CAMK4: variants seen among roughly 807,000 people sequenced by gnomAD.
The protein encoded by CAMK4 is calcium/calmodulin dependent protein kinase IV.
A neutral mutation model predicts 44.9 loss-of-function variants in CAMK4; 22 were observed. That is an observed-to-expected ratio of 0.49 (90% CI 0.35 to 0.70). The LOEUF is 0.70. Ranked by LOEUF, CAMK4 falls within the 30% of genes least tolerant of loss-of-function variation. The probability of loss-of-function intolerance (pLI) is 0.01; values close to 1 mark genes in which losing one functional copy is unlikely to be tolerated. For missense variants in CAMK4, 498 were observed against 586.8 expected (o/e 0.85, Z 1.56); for synonymous variants, 218 against 215.4 (o/e 1.01, Z -0.11).
At chr5:111,339,175 G>A (rs563874778) in intron 1 of CAMK4, among the ~76,000 whole-genome samples, 1 of 151,404 alleles carries the variant, frequency 6.6e-6, no homozygotes, top group African/African-American at 2.4e-5. Context: ...CATTCTGTAG[G>A]TTGTCTGTTT....
At chr5:111,270,138 T>C (rs114618819) in intron 1 of CAMK4, 64 of 152,380 alleles carry the variant, frequency 4.2e-4, no homozygotes, top group African/African-American at 1.4e-3. Context: ...ACTGTCAGAA[T>C]ATCTGCTGGA....
At chr5:111,289,218 C>T (rs1458443471) in intron 1 of CAMK4, among the ~76,000 whole-genome samples, 6 of 151,992 alleles carry the variant, frequency 3.9e-5, no homozygotes, top group African/African-American at 9.7e-5. Flanking sequence ...TGGTGGCGCT[C>T]GCCTGTAATC....
chr5:111,450,017 G>C (rs899265000), intron 7 of CAMK4: 16 of 152,116 alleles, frequency 1.1e-4, no homozygotes, highest in African/African-American at 3.9e-4. Context: ...TTTTCTCTTA[G>C]ATCAGAATAT....
intron 8 of CAMK4, among the ~76,000 whole-genome samples, chr5:111,474,977 C>T (rs542475980): frequency 2.0e-5 from 3 of 152,272 alleles, no homozygotes; most frequent in East Asian, 1.9e-4. Flanking sequence ...TCCTGGCTAA[C>T]GTGGTGAAAC....
intron 2 of CAMK4, among the ~76,000 whole-genome samples, chr5:111,373,410 G>C (rs183370333): frequency 7.7e-4 from 60 of 78,176 alleles, no homozygotes; most frequent in African/African-American, 2.5e-3. Context: ...ATATTTTCCA[G>C]ATAAAATAAA....
At chr5:111,253,952 T>C (rs567935629) in intron 1 of CAMK4, among the ~76,000 whole-genome samples, 1 of 152,330 alleles carries the variant, frequency 6.6e-6, no homozygotes, top group South Asian at 2.1e-4. Flanking sequence ...TGTAATGTTA[T>C]ATATAAGCAT....
chr5:111,427,189 T>C (rs1437326740), intron 5 of CAMK4, among the ~76,000 whole-genome samples: 1 of 151,898 alleles, frequency 6.6e-6, no homozygotes, highest in Non-Finnish European at 1.5e-5. Context: ...ACAGTCAGAG[T>C]TGTGAGGTCC....
chr5:111,367,949 T>C (rs1460625404), intron 2 of CAMK4, among the ~76,000 whole-genome samples: 1 of 152,104 alleles, frequency 6.6e-6, no homozygotes, highest in Non-Finnish European at 1.5e-5. Flanking sequence ...GCTGAATGCA[T>C]TGTGTCTCCG....
intron 7 of CAMK4, among the ~76,000 whole-genome samples, chr5:111,469,496 C>T (rs1754985992): frequency 6.6e-6 from 1 of 152,034 alleles, no homozygotes; most frequent in Non-Finnish European, 1.5e-5. Context: ...TCAGAACTTG[C>T]CATGTCAGGT....
chr5:111,233,904 G>A (rs963361621), intron 1 of CAMK4, among the ~76,000 whole-genome samples: 1 of 152,186 alleles, frequency 6.6e-6, no homozygotes, highest in African/African-American at 2.4e-5. Flanking sequence ...AAGGTGGGAT[G>A]CCCGTAGCCA....
chr5:111,251,991 G>A (rs987988738), intron 1 of CAMK4, among the ~76,000 whole-genome samples: 1 of 152,110 alleles, frequency 6.6e-6, no homozygotes, highest in East Asian at 1.9e-4. Context: ...CCACACTTGT[G>A]CGTCTCTGTA....
intron 7 of CAMK4, among the ~76,000 whole-genome samples, chr5:111,471,374 T>C (rs1755060235): frequency 6.6e-6 from 1 of 152,242 alleles, no homozygotes; most frequent in East Asian, 1.9e-4. Flanking sequence ...GATCTGCCAC[T>C]GTGGGCTTTG....
chr5:111,294,328 C>A (rs866706967), intron 1 of CAMK4, among the ~76,000 whole-genome samples: 1 of 152,074 alleles, frequency 6.6e-6, no homozygotes, highest in African/African-American at 2.4e-5. Context: ...GAAAAATCAC[C>A]CCCAATTACA....
At chr5:111,457,134 G>A (rs1754444269) in intron 7 of CAMK4, among the ~76,000 whole-genome samples, 1 of 152,154 alleles carries the variant, frequency 6.6e-6, no homozygotes, top group Non-Finnish European at 1.5e-5. Context: ...ATGGGACTAT[G>A]AGTTTCTGAA....
chr5:111,459,231 A>G lies in CAMK4; in HGVS notation c.625+10028A>G, dbSNP rs556917242. On this transcript the variant is annotated intron_variant, in intron 7 of 10. Transcript: ENST00000282356. ...AGAAGGAACATTTATTATTTACAGA[A>G]ATTCAAATAGTAGAGGAAGCTCCAC... 6.6e-5 allele frequency among the ~76,000 whole-genome samples: 10 copies of G among 152,306 alleles called. No homozygotes were observed. In the South Asian group the frequency reaches 1.0e-3, roughly 16 times the overall value.
chr5:111,483,699 C>T (rs998863215), intron 10 of CAMK4, among the ~76,000 whole-genome samples: 1 of 152,176 alleles, frequency 6.6e-6, no homozygotes, highest in Non-Finnish European at 1.5e-5. Context: ...CTACTAACGT[C>T]CACAGAACTA....
chr5:111,400,725 C>T (rs1380091857), intron 5 of CAMK4, among the ~76,000 whole-genome samples: 1 of 152,160 alleles, frequency 6.6e-6, no homozygotes, highest in Non-Finnish European at 1.5e-5. Flanking sequence ...AGTCAGTCCT[C>T]GAGAGCAGAC....
chr5:111,423,512 T>G (rs1753106574), intron 5 of CAMK4, among the ~76,000 whole-genome samples: 1 of 152,214 alleles, frequency 6.6e-6, no homozygotes, highest in East Asian at 1.9e-4. Flanking sequence ...CTTTGAAATG[T>G]TCCCTTGAAT....
chr5:111,478,030 A>G (rs567958818), intron 8 of CAMK4, among the ~76,000 whole-genome samples: 89 of 152,094 alleles, frequency 5.9e-4, no homozygotes, highest in Non-Finnish European at 1.1e-3. Flanking sequence ...CAAAAAATCC[A>G]TGGAAAGGCT....
Sources: allele counts gnomAD v4.1 joint callset (sites outside exome capture counted in the v4.1 genomes callset), GRCh38; gene constraint gnomAD v4.1.1; transcripts MANE v1.5; gene names NCBI Gene and HGNC (gene_info 2026-07-23, HGNC 2026-07-21).